The following CCDC149 variants were observed in gnomAD, a reference collection of about 807,000 sequenced individuals.
CCDC149 encodes coiled-coil domain containing 149, also known as coiled-coil domain-containing protein 149.
CCDC149 carries 45 observed loss-of-function variants against 59.9 expected under a neutral mutation model. The ratio of observed to expected loss-of-function variants is 0.75; its 90% confidence interval spans 0.59 to 0.96. The LOEUF is 0.96. Ranked by LOEUF, CCDC149 falls within the 40% of genes least tolerant of loss-of-function variation. The pLI is 0.00. For missense variants in CCDC149, 584 were observed against 664.7 expected, an observed-to-expected ratio of 0.88 and a Z score of 1.33; for synonymous variants, 245 against 260.6, an observed-to-expected ratio of 0.94 and a Z score of 0.58.
At chr4:24,891,518 C>T (rs1296388621) in intron 1 of CCDC149, among the ~76,000 whole-genome samples, 2 of 152,230 alleles carry the variant, frequency 1.3e-5, no homozygotes, top group African/African-American at 4.8e-5. Context: ...ATTTGACCAC[C>T]ACCATCATCA....
At chr4:24,817,841 C>T (rs1715114985) in intron 12 of CCDC149, among the ~76,000 whole-genome samples, 1 of 152,092 alleles carries the variant, frequency 6.6e-6, no homozygotes, top group Non-Finnish European at 1.5e-5. Context: ...ACTGATACAG[C>T]TGGTTAGTCC....
intron 12 of CCDC149, among the ~76,000 whole-genome samples, chr4:24,814,775 C>T (rs539684245): frequency 6.6e-6 from 1 of 152,190 alleles, no homozygotes; most frequent in Non-Finnish European, 1.5e-5. Context: ...AGGCCTTCCA[C>T]GACTCAACAT....
chr4:24,932,022 G>T (rs1289744421), intron 1 of CCDC149, among the ~76,000 whole-genome samples: 1 of 151,744 alleles, frequency 6.6e-6, no homozygotes, highest in African/African-American at 2.4e-5. Context: ...AGGCTTACAG[G>T]TGAGAAAACC....
intron 1 of CCDC149, among the ~76,000 whole-genome samples, chr4:24,961,087 T>C (rs886091997): frequency 3.3e-5 from 5 of 152,226 alleles, no homozygotes; most frequent in Admixed American, 6.5e-5. Flanking sequence ...ATGCAGAACA[T>C]GTACCAAACT....
At position 24,808,433 on chromosome 4, in the gene CCDC149, C is replaced by T; in HGVS notation, c.1579G>A (p.Gly527Arg). Residue 527 changes from glycine to arginine, a missense_variant, in exon 13 of 13, where the codon GGG becomes AGG. By Grantham distance (125) the Gly-to-Arg change is moderately radical (BLOSUM62 -2). Coordinates refer to ENST00000635206, the MANE Select transcript of CCDC149 (RefSeq NM_001330643.2). ...CTCATGCCTCCGCCCTCTGGGATCC[C>T]TTTGCCGTCTTCCGGTGTGGAAGCT... 6.8e-7 allele frequency: 1 copy of T among 1,461,036 alleles called. No homozygotes were observed. The highest frequency in any genetic ancestry group is 9.0e-7 in the Non-Finnish European group (1 of 1,105,868). The allele number at this position is 1,461,036 out of a possible 1,614,324, so 90.5% of individuals were successfully genotyped here. A position where few individuals can be genotyped will look rare whatever the true frequency, so the allele number is the denominator to read the frequency against.
intron 1 of CCDC149, among the ~76,000 whole-genome samples, chr4:24,965,500 A>G (rs1466151449): frequency 0.022 from 3,353 of 150,452 alleles, 111 homozygotes; most frequent in African/African-American, 0.063. Flanking sequence ...ATCTCTGGAA[A>G]ATTCCCCAAT....
intron 5 of CCDC149, 149 bp downstream of exon 5, chr4:24,838,007 C>T: frequency 2.8e-6 from 2 of 714,842 alleles, no homozygotes; most frequent in Admixed American, 2.0e-5. Flanking sequence ...CAGCTTGGGA[C>T]CCTAGTGCAG....
chr4:24,950,300 C>T (rs1260784274), intron 1 of CCDC149, among the ~76,000 whole-genome samples: 1 of 152,212 alleles, frequency 6.6e-6, no homozygotes, highest in Non-Finnish European at 1.5e-5. Context: ...TCAGCCTTCT[C>T]ATCTGTGAAG....
At chr4:24,965,722 G>A (rs1677982947) in intron 1 of CCDC149, among the ~76,000 whole-genome samples, 1 of 152,176 alleles carries the variant, frequency 6.6e-6, no homozygotes, top group Non-Finnish European at 1.5e-5. Flanking sequence ...CTTCTACCTT[G>A]AGAAACTCGA....
chr4:24,859,483 C>A (rs1245912320), intron 3 of CCDC149, among the ~76,000 whole-genome samples: 1 of 152,110 alleles, frequency 6.6e-6, no homozygotes, highest in Non-Finnish European at 1.5e-5. Flanking sequence ...AACCCACAGC[C>A]AACATTATGC....
intron 3 of CCDC149, among the ~76,000 whole-genome samples, chr4:24,869,704 G>C (rs1718917502): frequency 6.6e-6 from 1 of 152,170 alleles, no homozygotes; most frequent in Admixed American, 6.5e-5. Context: ...ACCATACTGA[G>C]GCCTCTACTT....
At chr4:24,845,288 CCA>C (rs1194978104) in intron 4 of CCDC149, among the ~76,000 whole-genome samples, 1 of 152,210 alleles carries the variant, frequency 6.6e-6, no homozygotes, top group Non-Finnish European at 1.5e-5. Context: ...ACCCTTCCCA[CCA>C]CACTTCCTTC....
At chr4:24,873,860 C>T (rs1719214316) in intron 2 of CCDC149, 141 bp from the exon 3 acceptor site, 3 of 610,214 alleles carry the variant, frequency 4.9e-6, no homozygotes, top group Admixed American at 3.2e-5. Context: ...CTGAAGCAAG[C>T]TCAAATATAC....
At chr4:24,856,939 C>G (rs190321845) in intron 3 of CCDC149, among the ~76,000 whole-genome samples, 6 of 152,214 alleles carry the variant, frequency 3.9e-5, no homozygotes, top group Non-Finnish European at 7.3e-5. Flanking sequence ...AGCGCTTGCT[C>G]GGTCTGGGAG....
Position 24,808,481 on chromosome 4 carries a change from C to T in CCDC149, c.1531G>A (p.Glu511Lys), listed in dbSNP as rs747001075. Residue 511 changes from glutamate to lysine, a missense_variant, in exon 13 of 13, where the codon GAG becomes AAG. Physicochemically the swap from Glu to Lys is moderately conservative, Grantham distance 56 (BLOSUM62 1). Transcript: ENST00000635206. ...GCTTTGGCTGCTGGCCGGCTGGCCT[C>T]GAAGGAGTCCAGGTGAGATTTAGGG... 3.4e-6 allele frequency: 5 copies of T among 1,481,144 alleles called. No individual in the cohort carries two copies. The highest frequency in any genetic ancestry group is 2.8e-5 in the South Asian group (2 of 70,828). The allele number at this position is 1,481,144 out of a possible 1,614,324, so 91.8% of individuals were successfully genotyped here.
At chr4:24,813,528 A>ACATATATATATATATATATATATATATAT (rs1560197749) in intron 12 of CCDC149, among the ~76,000 whole-genome samples, 1 of 129,852 alleles carries the variant, frequency 7.7e-6, no homozygotes, top group African/African-American at 2.8e-5. Context: ...ATATATATAT[A>ACATATATATATATATATATATATATATAT]AAACCTAAAA....
intron 4 of CCDC149, among the ~76,000 whole-genome samples, chr4:24,845,585 T>C (rs1234084249): frequency 6.6e-6 from 1 of 152,238 alleles, no homozygotes; most frequent in Non-Finnish European, 1.5e-5. Flanking sequence ...CTGTGCATCT[T>C]GGAATCTGTG....
At chr4:24,883,862 G>A (rs1719995838) in intron 1 of CCDC149, among the ~76,000 whole-genome samples, 1 of 152,158 alleles carries the variant, frequency 6.6e-6, no homozygotes, top group South Asian at 2.1e-4. Context: ...AGAGGTTAGT[G>A]TCTTTCCTAG....
At position 24,873,645 on chromosome 4, in the gene CCDC149, T is replaced by C. The variant is rs374502897; in HGVS notation, c.264+36A>G. 4.5e-5 allele frequency: 65 copies of C among 1,428,904 alleles called. No individual in the cohort carries two copies. In the Middle Eastern group the frequency reaches 8.9e-4, roughly 20 times the overall value. 88.5% of individuals were successfully genotyped at this position (1,428,904 alleles called of 1,614,324 possible). ...TGATCCTCCCAATTGCTGCTAGGTA[T>C]CAATAAAAAAATCTGAGATCAGAAA... On this transcript the variant is annotated intron_variant, in intron 3 of 12. Coordinates refer to ENST00000635206, the MANE Select transcript of CCDC149 (RefSeq NM_001330643.2).
Sources: gnomAD v4.1 joint callset for allele counts (sites outside exome capture counted in the v4.1 genomes callset) on GRCh38, gnomAD v4.1.1 for gene constraint, MANE v1.5 for transcripts, NCBI Gene and HGNC (gene_info 2026-07-23, HGNC 2026-07-21) for gene names.